Variants in B3GNT6 observed in about 807,000 individuals in gnomAD.
The protein encoded by B3GNT6 is acetylgalactosaminyl-O-glycosyl-glycoprotein beta-1,3-N-acetylglucosaminyltransferase.
For synonymous variants in B3GNT6, 300 were observed against 270.0 expected (o/e 1.11, Z -1.09); for missense variants, 624 against 568.6 (o/e 1.10, Z -0.99).
At chr11:77,035,613 G>A (rs1555026835) in intron 1 of B3GNT6, among the ~76,000 whole-genome samples, 1 of 152,250 alleles carries the variant, frequency 6.6e-6, no homozygotes, top group African/African-American at 2.4e-5. Context: ...TGTCCTGAGA[G>A]ACAAGGGATC....
At chr11:77,034,656 G>A (rs1279819706) in intron 1 of B3GNT6, among the ~76,000 whole-genome samples, 178 bp downstream of exon 1, 1 of 152,200 alleles carries the variant, frequency 6.6e-6, no homozygotes, top group African/African-American at 2.4e-5. Flanking sequence ...AGGGATTCAT[G>A]CTGGGGGTTG....
chr11:77,040,877 T>C lies in B3GNT6; in HGVS notation c.*171T>C. 8.8e-7 allele frequency: 1 copy of C among 1,139,684 alleles called. No individual in the cohort carries two copies. The highest frequency in any genetic ancestry group is 1.2e-6 in the Non-Finnish European group (1 of 853,844). The allele number at this position is 1,139,684 out of a possible 1,614,324, so 70.6% of individuals were successfully genotyped here. ...GGAAAATGCCTACATCCTGGCTCCA[T>C]CTCCCGAAGTTTCGATTTGATTAGT... On this transcript the variant is annotated 3_prime_UTR_variant, in exon 2 of 2. Coordinates refer to ENST00000622824, the MANE Select transcript of B3GNT6 (RefSeq NM_138706.5).
At chr11:77,036,483 C>G (rs1364663547) in intron 1 of B3GNT6, among the ~76,000 whole-genome samples, 1 of 152,176 alleles carries the variant, frequency 6.6e-6, no homozygotes, top group African/African-American at 2.4e-5. Flanking sequence ...GCAATAACAC[C>G]TATGTGCAAA....
rs1436150051 is a variant in B3GNT6, at chr11:77,041,882, G to A, written c.*1176G>A. On this transcript the variant is annotated 3_prime_UTR_variant, in exon 2 of 2. Coordinates refer to ENST00000622824, the MANE Select transcript of B3GNT6 (RefSeq NM_138706.5). ...TGAGGCAGGAGAATCACTTGAACCT[G>A]GGAGGCGGAGGTTGCAGTGAGCCGA... 1.3e-5 allele frequency: 2 copies of A among 152,310 alleles called. No individual in the cohort carries two copies. The highest frequency in any genetic ancestry group is 4.8e-5 in the African/African-American group (2 of 41,296). 9.4% of individuals were successfully genotyped at this position (152,310 alleles called of 1,614,324 possible). A position where few individuals can be genotyped will look rare whatever the true frequency, so the allele number is the denominator to read the frequency against.
intron 1 of B3GNT6, among the ~76,000 whole-genome samples, chr11:77,037,898 G>A (rs1158234796): frequency 7.9e-6 from 1 of 127,124 alleles, no homozygotes; most frequent in Non-Finnish European, 1.6e-5. Flanking sequence ...AGGTGACAGA[G>A]TCTGACCCTG....
intron 1 of B3GNT6, among the ~76,000 whole-genome samples, chr11:77,039,299 G>C (rs542963336): frequency 6.6e-6 from 1 of 152,286 alleles, no homozygotes; most frequent in Non-Finnish European, 1.5e-5. Context: ...CTGGGCCTAT[G>C]TGACGGGTTG....
Position 77,040,377 on chromosome 11 carries a change from T to C in B3GNT6, c.826T>C (p.Tyr276His), listed in dbSNP as rs1555027719. 1 of 1,535,516 alleles carries C rather than the reference T, an allele frequency of 6.5e-7. No homozygotes were observed. Among genetic ancestry groups the C allele is most frequent in the Non-Finnish European group, 8.7e-7 (1 of 1,146,798 alleles). The stretch of plus-strand genomic sequence containing the variant: ...GCCGCAGCTCTTCCCCGGGTCCGCT[T>C]ACCCGGTGTACTGCAGCGGCGGCGG... Reference protein sequence around the residue: ...VPPQLFPGSAYPVYCSGGGFL... With the variant: ...VPPQLFPGSAHPVYCSGGGFL... Residue 276 changes from tyrosine (Y) to histidine (H), a missense_variant, in exon 2 of 2, where the codon TAC (tyrosine) becomes CAC (histidine). Physicochemically the swap from Tyr to His is moderately conservative, Grantham distance 83. Transcript: ENST00000622824.
At chr11:77,039,418 CT>C in intron 1 of B3GNT6, 133 bp from the exon 2 acceptor site, 2 of 1,472,192 alleles carry the variant, frequency 1.4e-6, no homozygotes, top group Non-Finnish European at 1.8e-6. Context: ...ATTTTGATTC[CT>C]TTTTACCACT....
chr11:77,039,468 G>A, intron 1 of B3GNT6, 84 bp from the exon 2 acceptor site: 2 of 1,502,598 alleles, frequency 1.3e-6, no homozygotes, highest in East Asian at 2.4e-5. Context: ...CTGGGTTCTG[G>A]GAGAGAAGTG....
At position 77,040,234 on chromosome 11, in the gene B3GNT6, A is replaced by G. The variant is rs782264659; in HGVS notation, c.683A>G (p.His228Arg). The G allele has an allele frequency of 6.3e-7, 1 of 1,598,992 alleles. No individual in the cohort carries two copies. Among genetic ancestry groups the G allele is most frequent in the East Asian group, 2.2e-5 (1 of 44,850 alleles). Residue 228 changes from histidine to arginine, a missense_variant, in exon 2 of 2, where the codon CAC becomes CGC. His to Arg is a conservative substitution (Grantham distance 29, BLOSUM62 0). Coordinates refer to ENST00000622824, the MANE Select transcript of B3GNT6 (RefSeq NM_138706.5). ...LLSGDDDVFVHTANVVRFLQA... is the reference protein window; with the variant it reads ...LLSGDDDVFVRTANVVRFLQA... ...AGCGGCGACGACGACGTGTTCGTGC[A>G]CACCGCCAACGTAGTCCGCTTCCTG... is the stretch of plus-strand genomic sequence containing the variant.
At position 77,040,450 on chromosome 11, in the gene B3GNT6, G is replaced by T; in HGVS notation, c.899G>T (p.Arg300Leu). ...PTARALRAAA[R>L]HTPLFPIDDA... is the part of the protein sequence containing the mutation. ...GCCCGGGCCCTGCGCGCGGCCGCCC[G>T]CCACACCCCGCTCTTCCCCATCGAC... The change falls in exon 2 of 2, where the codon CGC becomes CTC. Residue 300 changes from arginine (R) to leucine (L), a missense_variant. Physicochemically the swap from Arg to Leu is moderately radical, Grantham distance 102 (BLOSUM62 -2). Transcript: ENST00000622824. 1 of 1,535,026 alleles carries T rather than the reference G, an allele frequency of 6.5e-7. No individual in the cohort carries two copies.
chr11:77,041,237 C>T lies in B3GNT6; in HGVS notation c.*531C>T, dbSNP rs183065013. On this transcript the variant is annotated 3_prime_UTR_variant, in exon 2 of 2. Transcript: ENST00000622824. ...CCCGCTTCCCCCTCCCCCAAGAAGT[C>T]AGCCAACACGCAGCTGAGGCGCATG... is the stretch of plus-strand genomic sequence containing the variant. 2.5e-4 allele frequency: 39 copies of T among 153,610 alleles called. No homozygotes were observed. The highest frequency in any genetic ancestry group is 8.9e-4 in the African/African-American group (37 of 41,640). 9.5% of individuals were successfully genotyped at this position (153,610 alleles called of 1,614,324 possible).
Position 77,041,796 on chromosome 11 carries a change from G to A in B3GNT6, c.*1090G>A, listed in dbSNP as rs1555028102. 1 of 152,144 alleles carries A rather than the reference G, an allele frequency of 6.6e-6. No homozygotes were observed. Among genetic ancestry groups the A allele is most frequent in the East Asian group, 1.9e-4 (1 of 5,178 alleles). 9.4% of individuals were successfully genotyped at this position (152,144 alleles called of 1,614,324 possible). On this transcript the variant is annotated 3_prime_UTR_variant, in exon 2 of 2. Coordinates refer to ENST00000622824, the MANE Select transcript of B3GNT6 (RefSeq NM_138706.5). ...ATATGGTGAAACCCCGTCTCTATTG[G>A]GAGTACAAAAATTAGCCGGCCATAG...
Position 77,037,960 on chromosome 11 carries a change from A to G in B3GNT6, c.1-1592A>G, listed in dbSNP as rs1162736814. 9.3e-3 allele frequency among the ~76,000 whole-genome samples: 139 copies of G among 14,978 alleles called. 5 individuals are homozygous for G. Among genetic ancestry groups the G allele is most frequent in the African/African-American group, 0.093 (126 of 1,362 alleles). The allele number at this position is 14,978 out of a possible 152,430, so 9.8% of individuals were successfully genotyped here. ...GGAAGAAAGAAGAAGAAGAAGAAGAAGAGGAGGGGGGAAGGGGAGGGGGAA... is the reference window on the plus strand; with the variant it reads ...GGAAGAAAGAAGAAGAAGAAGAAGAGGAGGAGGGGGGAAGGGGAGGGGGAA... On this transcript the variant is annotated intron_variant, in intron 1 of 1. Coordinates refer to ENST00000622824, the MANE Select transcript of B3GNT6 (RefSeq NM_138706.5).
chr11:77,038,963 C>G (rs1591090244), intron 1 of B3GNT6, among the ~76,000 whole-genome samples: 3 of 152,194 alleles, frequency 2.0e-5, no homozygotes, highest in East Asian at 3.8e-4. Flanking sequence ...GCCATCGGAA[C>G]TGACTGTTCA....
At chr11:77,035,700 T>C (rs1478335305) in intron 1 of B3GNT6, among the ~76,000 whole-genome samples, 1 of 152,148 alleles carries the variant, frequency 6.6e-6, no homozygotes, top group East Asian at 1.9e-4. Flanking sequence ...TAGAGAGAAA[T>C]GCCCAATACT....
At position 77,040,647 on chromosome 11, in the gene B3GNT6, A is replaced by T; in HGVS notation, c.1096A>T (p.Met366Leu). The change falls in exon 2 of 2, where the codon ATG becomes TTG. Residue 366 changes from methionine to leucine, a missense_variant. Physicochemically the swap from Met to Leu is conservative, Grantham distance 15 (BLOSUM62 2). Coordinates refer to ENST00000622824, the MANE Select transcript of B3GNT6 (RefSeq NM_138706.5). ...CTTCGCGCCCTACGAGATGCTGCTC[A>T]TGTGGAAGGCGCTGCACAGCCCCGC... ...HRFAPYEMLL[M>L]WKALHSPALS... The T allele has an allele frequency of 6.2e-7, 1 of 1,601,436 alleles. No homozygotes were observed.
chr11:77,039,459 T>C, intron 1 of B3GNT6, 93 bp from the exon 2 acceptor site: 2 of 1,498,800 alleles, frequency 1.3e-6, no homozygotes, highest in Non-Finnish European at 1.8e-6. Flanking sequence ...GGGCTGGAGC[T>C]GGGTTCTGGG....
Position 77,040,843 on chromosome 11 carries a change from G to T in B3GNT6, c.*137G>T. 1 of 1,338,954 alleles carries T rather than the reference G, an allele frequency of 7.5e-7. No individual in the cohort carries two copies. The highest frequency in any genetic ancestry group is 9.7e-7 in the Non-Finnish European group (1 of 1,029,406). 82.9% of individuals were successfully genotyped at this position (1,338,954 alleles called of 1,614,324 possible). Reference sequence around the variant, plus strand: ...GCTGCGCACTGAAATCAGCTGGGGTGGGGGGTGTGGAAAATGCCTACATCC... The same window carrying T: ...GCTGCGCACTGAAATCAGCTGGGGTTGGGGGTGTGGAAAATGCCTACATCC... On this transcript the variant is annotated 3_prime_UTR_variant, in exon 2 of 2. Transcript: ENST00000622824.
Sources: allele counts gnomAD v4.1 joint callset (sites outside exome capture counted in the v4.1 genomes callset), GRCh38; gene constraint gnomAD v4.1.1; transcripts MANE v1.5; gene names NCBI Gene and HGNC (gene_info 2026-07-23, HGNC 2026-07-21).